GPATCH2: variants seen among roughly 807,000 people sequenced by gnomAD.
The protein encoded by GPATCH2 is G patch domain-containing protein 2.
GPATCH2 carries 51 observed loss-of-function variants against 58.0 expected under a neutral mutation model. The ratio of observed to expected loss-of-function variants is 0.88; its 90% CI spans 0.70 to 1.11. The LOEUF (loss-of-function observed/expected upper bound fraction) is 1.11. Ranked by LOEUF, GPATCH2 falls within the 50% of genes most tolerant of loss-of-function variation. The pLI, the probability that GPATCH2 is intolerant of heterozygous loss-of-function variation, is 0.00. For synonymous variants in GPATCH2, 222 were observed against 218.5 expected (o/e 1.02, Z -0.14); for missense variants, 625 against 652.2 (o/e 0.96, Z 0.45).
At chr1:217,593,038 CT>C (rs1667665263) in intron 5 of GPATCH2, among the ~76,000 whole-genome samples, 1 of 151,874 alleles carries the variant, frequency 6.6e-6, no homozygotes, top group Non-Finnish European at 1.5e-5. Flanking sequence ...ATTGAAAAGT[CT>C]TTTAACCTCC....
At chr1:217,604,356 A>C (rs1668258920) in intron 5 of GPATCH2, among the ~76,000 whole-genome samples, 1 of 152,128 alleles carries the variant, frequency 6.6e-6, no homozygotes, top group East Asian at 1.9e-4. Flanking sequence ...AAAAAAAAAA[A>C]AAAGTATCAG....
At chr1:217,435,876 G>T (rs909089266) in intron 9 of GPATCH2, among the ~76,000 whole-genome samples, 7 of 152,140 alleles carry the variant, frequency 4.6e-5, no homozygotes, top group Non-Finnish European at 8.8e-5. Flanking sequence ...ATATAGAAAT[G>T]CTTCACTAAT....
intron 5 of GPATCH2, among the ~76,000 whole-genome samples, chr1:217,526,618 T>G (rs1663920876): frequency 6.6e-6 from 1 of 152,250 alleles, no homozygotes; most frequent in African/African-American, 2.4e-5. Context: ...TTAACATTTT[T>G]TGGCCAATAT....
At chr1:217,541,177 T>G (rs954675774) in intron 5 of GPATCH2, among the ~76,000 whole-genome samples, 3 of 152,202 alleles carry the variant, frequency 2.0e-5, no homozygotes, top group African/African-American at 7.2e-5. Context: ...CTGATACAGC[T>G]TCTATCATCC....
At chr1:217,458,841 C>T (rs1314857598) in intron 8 of GPATCH2, among the ~76,000 whole-genome samples, 2 of 152,076 alleles carry the variant, frequency 1.3e-5, no homozygotes, top group Admixed American at 6.6e-5. Context: ...TGTTTTTCTC[C>T]GTATTTCCAT....
At chr1:217,584,344 A>ATAT (rs1553347330) in intron 5 of GPATCH2, among the ~76,000 whole-genome samples, 48 of 101,856 alleles carry the variant, frequency 4.7e-4, no homozygotes, top group African/African-American at 1.5e-3. Flanking sequence ...AAAAAAAAAA[A>ATAT]ATATATATAT....
intron 8 of GPATCH2, among the ~76,000 whole-genome samples, chr1:217,450,668 T>C (rs1659620880): frequency 1.3e-5 from 2 of 152,228 alleles, no homozygotes; most frequent in South Asian, 4.1e-4. Flanking sequence ...TATTAAAATA[T>C]TTCAAAAAAC....
At chr1:217,610,489 G>C in intron 4 of GPATCH2, 89 bp from the exon 5 acceptor site, 1 of 792,508 alleles carries the variant, frequency 1.3e-6, no homozygotes, top group Non-Finnish European at 2.1e-6. Flanking sequence ...AGAAAGAAAA[G>C]TAAGTTGGTG....
At chr1:217,465,218 T>TA (rs1200131471) in intron 8 of GPATCH2, among the ~76,000 whole-genome samples, 2 of 150,612 alleles carry the variant, frequency 1.3e-5, no homozygotes, top group Admixed American at 1.3e-4. Flanking sequence ...ACTTTAAAAT[T>TA]AAAAAAAGAA....
chr1:217,621,675 C>T (rs1263202421), intron 1 of GPATCH2, among the ~76,000 whole-genome samples: 1 of 152,132 alleles, frequency 6.6e-6, no homozygotes, highest in African/African-American at 2.4e-5. Flanking sequence ...GACCCATAGT[C>T]TATATAGTCT....
chr1:217,510,123 G>A (rs923635383), intron 6 of GPATCH2, among the ~76,000 whole-genome samples: 2 of 151,972 alleles, frequency 1.3e-5, no homozygotes, highest in African/African-American at 4.8e-5. Flanking sequence ...ATACAACAGT[G>A]GTCTTTACCA....
At position 217,428,634 on chromosome 1, in the gene GPATCH2, G is replaced by A. The variant is rs1170372208; in HGVS notation, c.*2511C>T. The A allele has an allele frequency of 6.6e-6, 1 of 152,136 alleles. No homozygotes were observed. Among genetic ancestry groups the A allele is most frequent in the Non-Finnish European group, 1.5e-5 (1 of 68,024 alleles). 9.4% of individuals were successfully genotyped at this position (152,136 alleles called of 1,614,324 possible). The stretch of plus-strand genomic sequence containing the variant: ...TGAGTGCTGATTCACATATACTGTA[G>A]AGTACATATATTCTGTACAATTAAA... On this transcript the variant is annotated 3_prime_UTR_variant, in exon 10 of 10. Coordinates refer to ENST00000366935, the MANE Select transcript of GPATCH2 (RefSeq NM_018040.5).
At chr1:217,618,759 A>C (rs1008614987) in intron 2 of GPATCH2, among the ~76,000 whole-genome samples, 6 of 151,956 alleles carry the variant, frequency 3.9e-5, no homozygotes, top group African/African-American at 1.4e-4. Flanking sequence ...CAGGGGTTGA[A>C]GACCAGCCTG....
In GPATCH2 at chr1:217,428,912, G is replaced by C. The variant is rs1658417092; in HGVS notation, c.*2233C>G. ...AGAAGTTCCTATACACTAGTCTGGT[G>C]TATATACTGCTCTTCTTCACTATGA... On this transcript the variant is annotated 3_prime_UTR_variant, in exon 10 of 10. Transcript: ENST00000366935. The C allele has an allele frequency of 6.6e-6, 1 of 152,140 alleles. No homozygotes were observed. Among genetic ancestry groups the C allele is most frequent in the South Asian group, 2.1e-4 (1 of 4,822 alleles). 9.4% of individuals were successfully genotyped at this position (152,140 alleles called of 1,614,324 possible).
chr1:217,629,258 A>T (rs1367134607), intron 1 of GPATCH2, among the ~76,000 whole-genome samples: 1 of 152,134 alleles, frequency 6.6e-6, no homozygotes, highest in Non-Finnish European at 1.5e-5. Flanking sequence ...TAGACTAGAA[A>T]ATAAAGATCC....
chr1:217,499,092 T>C (rs1254686168), intron 6 of GPATCH2, among the ~76,000 whole-genome samples: 1 of 152,164 alleles, frequency 6.6e-6, no homozygotes, highest in African/African-American at 2.4e-5. Context: ...GCATTAGCTA[T>C]GCGCCCAGTC....
At chr1:217,569,395 A>T (rs1666425928) in intron 5 of GPATCH2, among the ~76,000 whole-genome samples, 1 of 152,134 alleles carries the variant, frequency 6.6e-6, no homozygotes, top group South Asian at 2.1e-4. Context: ...TATTTAAGGT[A>T]ATAAATCAAA....
intron 8 of GPATCH2, among the ~76,000 whole-genome samples, chr1:217,464,168 GC>G (rs1660332620): frequency 1.3e-5 from 2 of 152,128 alleles, no homozygotes; most frequent in African/African-American, 4.8e-5. Flanking sequence ...AGAGTACTCT[GC>G]GAATATGGTG....
At chr1:217,470,788 T>G (rs538333699) in intron 8 of GPATCH2, among the ~76,000 whole-genome samples, 3 of 152,116 alleles carry the variant, frequency 2.0e-5, no homozygotes, top group Non-Finnish European at 4.4e-5. Flanking sequence ...TCTAAGGATC[T>G]CTATACTTAG....
Sources: gnomAD v4.1 joint callset for allele counts (sites outside exome capture counted in the v4.1 genomes callset) on GRCh38, gnomAD v4.1.1 for gene constraint, MANE v1.5 for transcripts, NCBI Gene and HGNC (gene_info 2026-07-23, HGNC 2026-07-21) for gene names.